The following MAPKAPK2 variants were observed in gnomAD, a reference collection of about 807,000 sequenced individuals.
MAPKAPK2 encodes MAPK activated protein kinase 2.
Under a neutral mutation model 48.8 loss-of-function variants are expected in MAPKAPK2, and 9 were observed. The observed-to-expected ratio is 0.18, with a 90% CI of 0.11 to 0.32. The LOEUF is 0.32. MAPKAPK2 is among the 10% of genes least tolerant of loss of function. The probability of loss-of-function intolerance (pLI) is 1.00; values close to 1 mark genes in which losing one functional copy is unlikely to be tolerated. For missense variants in MAPKAPK2, 331 were observed against 498.3 expected (o/e 0.66, Z 3.20); for synonymous variants, 202 against 190.6 (o/e 1.06, Z -0.49).
chr1:206,695,978 T>C, intron 1 of MAPKAPK2: 1 of 737,454 alleles, frequency 1.4e-6, no homozygotes, highest in Non-Finnish European at 2.5e-6. Context: ...TTCTACTTCC[T>C]CCTATGGCTC....
chr1:206,692,138 G>A (rs1002941017), intron 1 of MAPKAPK2, among the ~76,000 whole-genome samples: 3 of 152,194 alleles, frequency 2.0e-5, no homozygotes, highest in South Asian at 2.1e-4. Context: ...CTGTGCACAG[G>A]GATCTGGTTG....
At chr1:206,718,071 C>CT (rs1673390434) in intron 1 of MAPKAPK2, among the ~76,000 whole-genome samples, 1 of 152,220 alleles carries the variant, frequency 6.6e-6, no homozygotes, top group East Asian at 1.9e-4. Context: ...CTGTTCAGTA[C>CT]TTTTTTGTTT....
intron 1 of MAPKAPK2, chr1:206,695,772 C>CTCTCTT (rs56709406): frequency 2.0e-5 from 1 of 50,968 alleles, no homozygotes; most frequent in Non-Finnish European, 5.2e-5. Flanking sequence ...CTCTCTCTCT[C>CTCTCTT]TTTTTTTTTT....
chr1:206,684,919 G>T lies in MAPKAPK2; in HGVS notation c.-311G>T, dbSNP rs1261364902. 6.7e-6 allele frequency: 1 copy of T among 148,200 alleles called. No individual in the cohort carries two copies. The highest frequency in any genetic ancestry group is 2.5e-5 in the African/African-American group (1 of 40,356). The allele number at this position is 148,200 out of a possible 1,614,324, so 9.2% of individuals were successfully genotyped here. A position where few individuals can be genotyped will look rare whatever the true frequency, so the allele number is the denominator to read the frequency against. ...CAGACGAGGCTGTGACGCGGCCGCC[G>T]GCCCGGGGCTGGGTACATTGTCGCG... On this transcript the variant is annotated 5_prime_UTR_variant, in exon 1 of 10. Coordinates refer to ENST00000367103, the MANE Select transcript of MAPKAPK2 (RefSeq NM_032960.4).
Position 206,727,068 on chromosome 1 carries a change from C to T in MAPKAPK2, c.280-1642C>T, listed in dbSNP as rs559951151. On this transcript the variant is annotated intron_variant, in intron 1 of 9. Coordinates refer to ENST00000367103, the MANE Select transcript of MAPKAPK2 (RefSeq NM_032960.4). Reference sequence around the variant, plus strand: ...TCCTTCCCAGCATGTCTCTTGGACACCCCAGCCCTCTGAATGTCCAAAGCA... The same window carrying T: ...TCCTTCCCAGCATGTCTCTTGGACATCCCAGCCCTCTGAATGTCCAAAGCA... 2.0e-5 allele frequency among the ~76,000 whole-genome samples: 3 copies of T among 152,266 alleles called. No homozygotes were observed. In the East Asian group the frequency reaches 5.8e-4, roughly 29 times the overall value.
At chr1:206,722,215 C>T (rs908112083) in intron 1 of MAPKAPK2, among the ~76,000 whole-genome samples, 1 of 151,942 alleles carries the variant, frequency 6.6e-6, no homozygotes. Flanking sequence ...AAAAAATTAG[C>T]CAGGCGTGGT....
intron 3 of MAPKAPK2, 117 bp from the exon 4 acceptor site, chr1:206,729,279 G>T: frequency 9.3e-7 from 1 of 1,079,042 alleles, no homozygotes; most frequent in East Asian, 2.4e-5. Context: ...TGGGGTGGGT[G>T]GTGGCTGTGG....
chr1:206,707,440 T>A (rs1460281352), intron 1 of MAPKAPK2, among the ~76,000 whole-genome samples: 1 of 152,094 alleles, frequency 6.6e-6, no homozygotes, highest in Non-Finnish European at 1.5e-5. Context: ...TCTGGTTTCC[T>A]TGGAAACCAG....
intron 1 of MAPKAPK2, among the ~76,000 whole-genome samples, chr1:206,707,037 G>C (rs1452130664): frequency 1.3e-5 from 2 of 152,156 alleles, no homozygotes; most frequent in Non-Finnish European, 2.9e-5. Flanking sequence ...GTTGGAGGAG[G>C]GAACGGCACT....
At position 206,731,996 on chromosome 1, in the gene MAPKAPK2, G is replaced by T. The variant is rs1673929697; in HGVS notation, c.1059+77G>T. 1 of 1,614,116 alleles carries T rather than the reference G, an allele frequency of 6.2e-7. No individual in the cohort carries two copies. Among genetic ancestry groups the T allele is most frequent in the African/African-American group, 1.3e-5 (1 of 75,008 alleles). On this transcript the variant is annotated intron_variant, in intron 9 of 9. Transcript: ENST00000367103. This position sits in a 1 kb window ranked among gnomAD's most constrained non-coding sequence, Gnocchi z 5.9. ...GGGGAGTGCCCAGGTGTGAGGCGTG[G>T]TGCTGGTAGGGGAGAGCTTGATTCT... is the stretch of plus-strand genomic sequence containing the variant.
At chr1:206,685,594 C>T in intron 1 of MAPKAPK2, 86 bp downstream of exon 1, 1 of 1,175,518 alleles carries the variant, frequency 8.5e-7, no homozygotes. Flanking sequence ...CGGCCTGGGT[C>T]GCGGCGCGGG....
intron 1 of MAPKAPK2, among the ~76,000 whole-genome samples, chr1:206,701,868 C>CT (rs1276105795): frequency 6.7e-6 from 1 of 149,576 alleles, no homozygotes; most frequent in Non-Finnish European, 1.5e-5. Flanking sequence ...AGGAGTTCAC[C>CT]TTGTTGAGGA....
intron 4 of MAPKAPK2, 29 bp downstream of exon 4, chr1:206,729,504 A>C (rs1310362698): frequency 6.3e-7 from 1 of 1,599,000 alleles, no homozygotes; most frequent in African/African-American, 1.3e-5. Context: ...CCTGAGCCCG[A>C]GTGCTGTGGG....
At position 206,720,522 on chromosome 1, in the gene MAPKAPK2, A is replaced by AT. The variant is rs773465896; in HGVS notation, c.280-8181dup. Among the ~76,000 whole-genome samples the AT allele has an allele frequency of 2.6e-5, 4 of 152,082 alleles. No individual in the cohort carries two copies. In the East Asian group the frequency reaches 7.7e-4, roughly 29 times the overall value. ...AGGTGCGTGCCACCATGCCTGGCTA[A>AT]TTTTTTTGTATTTTTTGATAGAGAC... On this transcript the variant is annotated intron_variant, in intron 1 of 9. Coordinates refer to ENST00000367103, the MANE Select transcript of MAPKAPK2 (RefSeq NM_032960.4).
rs1190853463 is a variant in MAPKAPK2, at chr1:206,733,762, A to G, written c.*1044A>G. On this transcript the variant is annotated 3_prime_UTR_variant, in exon 10 of 10. Transcript: ENST00000367103. ...CCAGCTCATGTAGGTGAGCCTGGGC[A>G]GCTTCTGTTGGCAGAGCTTTTGCAT... 4 of 152,820 alleles carry G rather than the reference A, an allele frequency of 2.6e-5. No homozygotes were observed. The highest frequency in any genetic ancestry group is 1.9e-4 in the East Asian group (1 of 5,324). The allele number at this position is 152,820 out of a possible 1,614,324, so 9.5% of individuals were successfully genotyped here.
chr1:206,731,033 T>C lies in MAPKAPK2; in HGVS notation c.768-105T>C, dbSNP rs1673885597. 4.7e-6 allele frequency: 7 copies of C among 1,482,250 alleles called. No homozygotes were observed. In the East Asian group the frequency reaches 1.6e-4, roughly 34 times the overall value. The allele number at this position is 1,482,250 out of a possible 1,614,324, so 91.8% of individuals were successfully genotyped here. A position where few individuals can be genotyped will look rare whatever the true frequency, so the allele number is the denominator to read the frequency against. On this transcript the variant is annotated intron_variant, in intron 6 of 9. Coordinates refer to ENST00000367103, the MANE Select transcript of MAPKAPK2 (RefSeq NM_032960.4). The surrounding 1 kb of genome is among the most constrained non-coding windows in gnomAD (Gnocchi z 5.9). ...CTGTGTCAATAAGCCCTGATTTCTC[T>C]GTGACCTTTACAAGGAGAAGAGCCT...
chr1:206,691,338 G>T (rs1465113739), intron 1 of MAPKAPK2, among the ~76,000 whole-genome samples: 1 of 151,888 alleles, frequency 6.6e-6, no homozygotes, highest in Non-Finnish European at 1.5e-5. Context: ...TTCCACATGG[G>T]TTACCTTGTA....
rs77545897 is a variant in MAPKAPK2 at position 206,705,299 on chromosome 1, G to C, written c.279+19791G>C. On this transcript the variant is annotated intron_variant, in intron 1 of 9. Transcript: ENST00000367103. ...GCTTCTATTGAAATCAGCTCTGTCT[G>C]CCTCCCTGTTGGCTTTGTGCTTCTG... Among the ~76,000 whole-genome samples, 745 of 152,320 alleles carry C rather than the reference G, an allele frequency of 4.9e-3. 8 individuals carry two copies. Among genetic ancestry groups the C allele is most frequent in the African/African-American group, 0.017 (688 of 41,554 alleles).
In MAPKAPK2 at chr1:206,685,162, G is replaced by T; in HGVS notation, c.-68G>T. On this transcript the variant is annotated 5_prime_UTR_variant, in exon 1 of 10. Transcript: ENST00000367103. ...CAGCCCGTCGGGGGGCGGCGGGGAG[G>T]GGGCCCGGAGCCGGAGGAGGGGGCG... is the stretch of plus-strand genomic sequence containing the variant. 4.0e-6 allele frequency: 1 copy of T among 251,630 alleles called. No individual in the cohort carries two copies. The highest frequency in any genetic ancestry group is 7.4e-6 in the Non-Finnish European group (1 of 136,014). The allele number at this position is 251,630 out of a possible 1,614,324, so 15.6% of individuals were successfully genotyped here.
Sources: gnomAD v4.1 joint callset for allele counts (sites outside exome capture counted in the v4.1 genomes callset) on GRCh38, gnomAD v4.1.1 for gene constraint, Gnocchi (gnomAD v3.1) non-coding constraint, MANE v1.5 for transcripts, NCBI Gene and HGNC (gene_info 2026-07-23, HGNC 2026-07-21) for gene names.